Variants in CERKL observed in about 807,000 individuals in gnomAD.
CERKL encodes the protein CERK like autophagy regulator, also known as ceramide kinase-like protein.
In CERKL, 61 loss-of-function variants were observed where a neutral mutation model predicts 63.4. That is an observed-to-expected ratio of 0.96 (90% CI 0.78 to 1.19). The LOEUF is 1.19. CERKL is among the 50% of genes most tolerant of loss of function. The pLI, the probability that CERKL is intolerant of heterozygous loss-of-function variation, is 0.00. For synonymous variants in CERKL, 250 were observed against 230.5 expected (o/e 1.08, Z -0.77); for missense variants, 675 against 655.5 (o/e 1.03, Z -0.33).
chr2:181,611,120 G>A (rs1685950861), intron 1 of CERKL, among the ~76,000 whole-genome samples: 2 of 152,102 alleles, frequency 1.3e-5, no homozygotes, highest in South Asian at 4.1e-4. Flanking sequence ...CTACTCAGGA[G>A]GTGGAGGCAG....
intron 4 of CERKL, among the ~76,000 whole-genome samples, chr2:181,563,737 G>T (rs958555786): frequency 1.3e-5 from 2 of 152,084 alleles, no homozygotes; most frequent in Non-Finnish European, 2.9e-5. Flanking sequence ...ACTTGCAAGA[G>T]AATTGTTCCT....
At chr2:181,613,563 G>A (rs1354960268) in intron 1 of CERKL, among the ~76,000 whole-genome samples, 1 of 152,072 alleles carries the variant, frequency 6.6e-6, no homozygotes, top group African/African-American at 2.4e-5. Flanking sequence ...TTTTGCCAAT[G>A]TTACAAGAAG....
chr2:181,552,498 A>C (rs1574441072), intron 5 of CERKL, among the ~76,000 whole-genome samples: 1 of 152,112 alleles, frequency 6.6e-6, no homozygotes, highest in Non-Finnish European at 1.5e-5. Context: ...TTTGCCTTCC[A>C]CCATGGTTGT....
At chr2:181,598,006 GA>G (rs1685292926) in intron 2 of CERKL, among the ~76,000 whole-genome samples, 1 of 152,166 alleles carries the variant, frequency 6.6e-6, no homozygotes, top group Non-Finnish European at 1.5e-5. Flanking sequence ...CGGATATGGA[GA>G]GGGGGTCATC....
At position 181,610,593 on chromosome 2, in the gene CERKL, T is replaced by C. The variant is rs565841415; in HGVS notation, c.239-6514A>G. Among the ~76,000 whole-genome samples, 83 of 152,314 alleles carry C rather than the reference T, an allele frequency of 5.4e-4. 1 individual carries two copies. The South Asian group carries it at 0.014, about 26-fold the overall frequency. Reference sequence around the variant, plus strand: ...CTCTGTATTCTGGTCTGGAAAGACATTCATGCTAAGAGGTATGAAAAAGTA... The same window carrying C: ...CTCTGTATTCTGGTCTGGAAAGACACTCATGCTAAGAGGTATGAAAAAGTA... On this transcript the variant is annotated intron_variant, in intron 1 of 12. Coordinates refer to ENST00000410087, the MANE Select transcript of CERKL (RefSeq NM_201548.5).
intron 1 of CERKL, among the ~76,000 whole-genome samples, chr2:181,628,870 G>C (rs533561656): frequency 6.6e-6 from 1 of 152,182 alleles, no homozygotes; most frequent in African/African-American, 2.4e-5. Context: ...TGTGTTTCCA[G>C]GATACATATA....
At chr2:181,638,557 T>C (rs565867546) in intron 1 of CERKL, among the ~76,000 whole-genome samples, 1 of 152,306 alleles carries the variant, frequency 6.6e-6, no homozygotes, top group African/African-American at 2.4e-5. Flanking sequence ...ATAGTGATCA[T>C]AACAATAAAA....
At chr2:181,634,505 C>T (rs1687094087) in intron 1 of CERKL, among the ~76,000 whole-genome samples, 1 of 152,028 alleles carries the variant, frequency 6.6e-6, no homozygotes, top group African/African-American at 2.4e-5. Flanking sequence ...AAATTTTTTC[C>T]AGTGCATAGT....
rs1687228542 is a variant in CERKL, at chr2:181,537,730, AAC to A, written c.*452_*453del. 2.3e-6 allele frequency: 1 copy of A among 440,058 alleles called. No individual in the cohort carries two copies. Among genetic ancestry groups the A allele is most frequent in the Non-Finnish European group, 4.5e-6 (1 of 219,780 alleles). 27.3% of individuals were successfully genotyped at this position (440,058 alleles called of 1,614,324 possible). A position where few individuals can be genotyped will look rare whatever the true frequency, so the allele number is the denominator to read the frequency against. On this transcript the variant is annotated 3_prime_UTR_variant, in exon 13 of 13. Coordinates refer to ENST00000410087, the MANE Select transcript of CERKL (RefSeq NM_201548.5). ...GCAAAGTTTTTTTGTGTGTCCAATA[AAC>A]ACATTGTAAAAAAAAGAATTTGAAT... is the stretch of plus-strand genomic sequence containing the variant.
intron 1 of CERKL, among the ~76,000 whole-genome samples, chr2:181,631,079 A>G (rs924908751): frequency 2.0e-5 from 3 of 152,182 alleles, no homozygotes; most frequent in Non-Finnish European, 4.4e-5. Context: ...AAGGGATGCA[A>G]TACAGTCTAG....
chr2:181,547,927 T>C (rs1687807548), intron 8 of CERKL, 80 bp from the exon 9 acceptor site: 2 of 1,110,310 alleles, frequency 1.8e-6, no homozygotes, highest in Admixed American at 2.3e-5. Context: ...ATCTATTAAA[T>C]ATGAGAAAAT....
At position 181,614,255 on chromosome 2, in the gene CERKL, T is replaced by C. The variant is rs1467500920; in HGVS notation, c.239-10176A>G. On this transcript the variant is annotated intron_variant, in intron 1 of 12. Coordinates refer to ENST00000410087, the MANE Select transcript of CERKL (RefSeq NM_201548.5). ...TGAAGGTTCAAGGTTCTAGAGATCA[T>C]CTGATAAGATCAGCTGAAATCTAAA... Among the ~76,000 whole-genome samples, 7 of 152,332 alleles carry C rather than the reference T, an allele frequency of 4.6e-5. No individual in the cohort carries two copies. In the South Asian group the frequency reaches 1.4e-3, roughly 32 times the overall value.
intron 11 of CERKL, among the ~76,000 whole-genome samples, chr2:181,540,171 C>T (rs1687435973): frequency 6.6e-6 from 1 of 152,154 alleles, no homozygotes; most frequent in Non-Finnish European, 1.5e-5. Flanking sequence ...CACAGTTAAA[C>T]AGTAGATGAT....
At chr2:181,648,489 C>T (rs986374523) in intron 1 of CERKL, among the ~76,000 whole-genome samples, 1 of 152,102 alleles carries the variant, frequency 6.6e-6, no homozygotes, top group Admixed American at 6.6e-5. Context: ...CCTTCCCAGA[C>T]AAACAAAAGC....
chr2:181,565,960 A>C, intron 4 of CERKL, 98 bp downstream of exon 4: 1 of 809,362 alleles, frequency 1.2e-6, no homozygotes, highest in South Asian at 1.5e-5. Context: ...TACACTACAA[A>C]TATTTTTAAA....
At chr2:181,637,292 A>C (rs1486054283) in intron 1 of CERKL, among the ~76,000 whole-genome samples, 1 of 151,138 alleles carries the variant, frequency 6.6e-6, no homozygotes, top group Non-Finnish European at 1.5e-5. Flanking sequence ...CTAGGCATCT[A>C]TCCTAAAAGC....
intron 3 of CERKL, among the ~76,000 whole-genome samples, chr2:181,566,546 G>T (rs1432477548): frequency 6.6e-6 from 1 of 152,166 alleles, no homozygotes; most frequent in African/African-American, 2.4e-5. Flanking sequence ...TTAGTCAAAA[G>T]GTTAGTGTAA....
intron 4 of CERKL, among the ~76,000 whole-genome samples, chr2:181,563,890 C>G (rs947033885): frequency 1.3e-5 from 2 of 151,924 alleles, no homozygotes; most frequent in Admixed American, 6.6e-5. Context: ...AAAACTGACC[C>G]CACAAAAATA....
intron 1 of CERKL, among the ~76,000 whole-genome samples, chr2:181,610,726 C>T (rs1246036097): frequency 6.6e-6 from 1 of 152,114 alleles, no homozygotes; most frequent in African/African-American, 2.4e-5. Context: ...ACACTGGTTA[C>T]CTATTAAATA....
Sources: allele counts gnomAD v4.1 joint callset (sites outside exome capture counted in the v4.1 genomes callset), GRCh38; gene constraint gnomAD v4.1.1; transcripts MANE v1.5; gene names NCBI Gene and HGNC (gene_info 2026-07-23, HGNC 2026-07-21).